The following SLC38A8 variants were observed in gnomAD, a reference collection of about 807,000 sequenced individuals.
The protein encoded by SLC38A8 is amino acid transporter SLC38A8.
SLC38A8 carries 65 observed loss-of-function variants against 46.0 expected under a neutral mutation model. That is an observed-to-expected ratio of 1.41 (90% CI 1.16 to 1.74). The LOEUF (loss-of-function observed/expected upper bound fraction) is 1.74. Among genes scored for constraint, SLC38A8 ranks in the 40% most tolerant of loss-of-function variants. SLC38A8 has a pLI of 0.00. For missense variants in SLC38A8, 998 were observed against 567.9 expected (o/e 1.76, Z -7.70); for synonymous variants, 447 against 243.7 (o/e 1.83, Z -7.77).
rs780054215 is a variant in SLC38A8, at chr16:84,029,549, G to C, written c.635C>G (p.Pro212Arg). 2 of 1,614,088 alleles carry C rather than the reference G, an allele frequency of 1.2e-6. No homozygotes were observed. Among genetic ancestry groups the C allele is most frequent in the African/African-American group, 1.3e-5 (1 of 75,064 alleles). Residue 212 changes from proline (P) to arginine (R), a missense_variant and splice_region_variant, in exon 6 of 11, where the codon CCT becomes CGT. Transcript: ENST00000299709. ...LVRESHPSLS[P>R]ASWTSVFSVF... ...ACTGAACACAGAGGTCCAGGAGGCAGGGCTGTAAACAGACAAGAACAGGAG... is the reference window on the plus strand; with the variant it reads ...ACTGAACACAGAGGTCCAGGAGGCACGGCTGTAAACAGACAAGAACAGGAG...
chr16:84,033,970 G>A (rs912488257), intron 3 of SLC38A8, among the ~76,000 whole-genome samples: 2 of 152,242 alleles, frequency 1.3e-5, no homozygotes, highest in African/African-American at 4.8e-5. Context: ...TGGATCGTAG[G>A]TAGAGAGTTA....
At chr16:84,016,792 G>T in intron 8 of SLC38A8, 65 bp from the exon 9 acceptor site, 1 of 1,525,246 alleles carries the variant, frequency 6.6e-7, no homozygotes, top group Non-Finnish European at 8.9e-7. Flanking sequence ...CCCGACAGCT[G>T]CTCCCCAGTC....
intron 4 of SLC38A8, among the ~76,000 whole-genome samples, chr16:84,032,959 TGGGTGTGCATGGGG>T (rs2085261785): frequency 2.9e-5 from 1 of 34,682 alleles, no homozygotes; most frequent in African/African-American, 1.4e-4. Flanking sequence ...TGTGGGTAGG[TGGGTGTGCATGGGG>T]GGGTGTGGGT....
intron 3 of SLC38A8, 71 bp from the exon 4 acceptor site, chr16:84,033,540 T>G (rs1227106040): frequency 1.3e-6 from 2 of 1,491,214 alleles, no homozygotes; most frequent in African/African-American, 2.8e-5. Context: ...CACCTGGCCC[T>G]TCAACCCTGG....
intron 2 of SLC38A8, chr16:84,041,333 GT>G (rs1266023657): frequency 6.6e-6 from 1 of 152,446 alleles, no homozygotes; most frequent in Non-Finnish European, 1.5e-5. Flanking sequence ...GTTTTTGTGT[GT>G]TTAAGACAGA....
chr16:84,020,589 C>A (rs1351022050), intron 7 of SLC38A8, among the ~76,000 whole-genome samples: 1 of 152,204 alleles, frequency 6.6e-6, no homozygotes, highest in East Asian at 1.9e-4. Context: ...CGAGCCAGAT[C>A]AGGGGCCACC....
At chr16:84,013,746 T>A (rs769076402) in intron 9 of SLC38A8, among the ~76,000 whole-genome samples, 6,992 of 142,776 alleles carry the variant, frequency 0.049, 204 homozygotes, top group Middle Eastern at 0.095. Flanking sequence ...TTTTTTTTTT[T>A]AAATAGTTCT....
At position 84,042,099 on chromosome 16, in the gene SLC38A8, G is replaced by T. The variant is rs150483726; in HGVS notation, c.59C>A (p.Ala20Asp). ...GLPEKPHPAT[A>D]AATLSSMGAV... ...GCCCATCGAGGACAGAGTGGCAGCA[G>T]CCGTGGCAGGGTGAGGCTTTTCTGG... The change falls in exon 2 of 11, where the codon GCT becomes GAT. Residue 20 changes from alanine (A) to aspartate (D), a missense_variant. Coordinates refer to ENST00000299709, the MANE Select transcript of SLC38A8 (RefSeq NM_001080442.3). 145 of 1,614,042 alleles carry T rather than the reference G, an allele frequency of 9.0e-5. No individual in the cohort carries two copies. The African/African-American group carries it at 1.8e-3, about 20-fold the overall frequency.
Position 84,017,244 on chromosome 16 carries a change from G to T in SLC38A8, c.849C>A (p.Asp283Glu). The T allele has an allele frequency of 1.2e-6, 2 of 1,614,048 alleles. No individual in the cohort carries two copies. The highest frequency in any genetic ancestry group is 1.1e-5 in the South Asian group (1 of 91,074). The change falls in exon 8 of 11, where the codon GAC becomes GAA. Residue 283 changes from aspartate to glutamate, a missense_variant. Transcript: ENST00000299709. ...FLTFGTEVSADVLMSYPGNDM... is the reference protein window; with the variant it reads ...FLTFGTEVSAEVLMSYPGNDM... The stretch of plus-strand genomic sequence containing the variant: ...CATTGCCTGGGTAGGACATCAAGAC[G>T]TCAGCAGAAACTTCTGTCCCAAAAG...
chr16:84,026,266 A>G (rs73247349), intron 6 of SLC38A8, among the ~76,000 whole-genome samples: 19,670 of 152,126 alleles, frequency 0.13, 3,465 homozygotes, highest in African/African-American at 0.4. Flanking sequence ...GTCTCGCTCC[A>G]TCGCCCAGGC....
In SLC38A8 at chr16:84,042,718, G is replaced by A. The variant is rs1403130933; in HGVS notation, c.-170C>T. 1 of 153,340 alleles carries A rather than the reference G, an allele frequency of 6.5e-6. No individual in the cohort carries two copies. Among genetic ancestry groups the A allele is most frequent in the African/African-American group, 2.4e-5 (1 of 41,574 alleles). 9.5% of individuals were successfully genotyped at this position (153,340 alleles called of 1,614,324 possible). A position where few individuals can be genotyped will look rare whatever the true frequency, so the allele number is the denominator to read the frequency against. ...TCATTAACTAAAGGAGCCCTAGCGA[G>A]TATGTGTCAGGGTCAGGCCCCTCCA... On this transcript the variant is annotated 5_prime_UTR_variant, in exon 1 of 11. Transcript: ENST00000299709.
chr16:84,022,886 G>C lies in SLC38A8; in HGVS notation c.694C>G (p.His232Asp). ...CAGTAGATGGAGACGGCAGCTTCGT[G>C]ACACTGTAAGACAGAGGGCGGCTCA... is the stretch of plus-strand genomic sequence containing the variant. ...FPTICFGFQC[H>D]EAAVSIYCSM... The change falls in exon 7 of 11, where the codon CAC becomes GAC. Residue 232 changes from histidine to aspartate, a missense_variant. By Grantham distance (81) the His-to-Asp change is moderately conservative. Transcript: ENST00000299709. The C allele has an allele frequency of 2.5e-6, 4 of 1,589,738 alleles. No individual in the cohort carries two copies. Among genetic ancestry groups the C allele is most frequent in the Non-Finnish European group, 3.4e-6 (4 of 1,169,952 alleles).
rs766862812 is a variant in SLC38A8 at position 84,016,575 on chromosome 16, C to G, written c.1106G>C (p.Ser369Thr). The change falls in exon 9 of 11, where the codon AGC becomes ACC. Residue 369 changes from serine to threonine, a missense_variant. Transcript: ENST00000299709. Reference sequence around the variant, plus strand: ...GCCTCCGATGATGCTGACGATCTCGCTGAGGTCAGGCATAAACAGCGCCAT... The same window carrying G: ...GCCTCCGATGATGCTGACGATCTCGGTGAGGTCAGGCATAAACAGCGCCAT... ...LAMALFMPDLSEIVSIIGGIS... is the reference protein window; with the variant it reads ...LAMALFMPDLTEIVSIIGGIS... 1 of 1,614,090 alleles carries G rather than the reference C, an allele frequency of 6.2e-7. No homozygotes were observed. The highest frequency in any genetic ancestry group is 8.5e-7 in the Non-Finnish European group (1 of 1,180,030).
In SLC38A8 at chr16:84,032,168, AGTTTTGTTGTTGTT is replaced by A. The variant is rs200849845; in HGVS notation, c.531-214_531-201del. On this transcript the variant is annotated intron_variant, in intron 4 of 10. Transcript: ENST00000299709. ...TTTGGGGTCAAGGGGTCAGATGTAG[AGTTTTGTTGTTGTT>A]GTTTTGTTGTTGTTGTTGTTTTTTG... Among the ~76,000 whole-genome samples the A allele has an allele frequency of 3.1e-4, 22 of 71,642 alleles. No homozygotes were observed. The East Asian group carries it at 0.012, about 38-fold the overall frequency. 47.0% of individuals were successfully genotyped at this position (71,642 alleles called of 152,430 possible). A position where few individuals can be genotyped will look rare whatever the true frequency, so the allele number is the denominator to read the frequency against.
Position 84,017,296 on chromosome 16 carries a change from G to T in SLC38A8, c.806-9C>A. ...CAGGAAGCCATAAACCCCTGAAGGT[G>T]GGAAAGGATGGAAGCCACAGAGTGG... is the stretch of plus-strand genomic sequence containing the variant. On this transcript the variant is annotated splice_polypyrimidine_tract_variant and intron_variant, in intron 7 of 10. Coordinates refer to ENST00000299709, the MANE Select transcript of SLC38A8 (RefSeq NM_001080442.3). The T allele has an allele frequency of 6.2e-7, 1 of 1,613,826 alleles. No individual in the cohort carries two copies. The highest frequency in any genetic ancestry group is 8.5e-7 in the Non-Finnish European group (1 of 1,179,960).
intron 9 of SLC38A8, 94 bp from the exon 10 acceptor site, chr16:84,013,146 A>T: frequency 1.2e-5 from 17 of 1,448,248 alleles, no homozygotes; most frequent in Non-Finnish European, 1.4e-5. Context: ...CCAGGAGGCC[A>T]GCAAGGCCTC....
At chr16:84,011,384 C>A (rs1289543759) in intron 10 of SLC38A8, among the ~76,000 whole-genome samples, 1 of 152,154 alleles carries the variant, frequency 6.6e-6, no homozygotes, top group African/African-American at 2.4e-5. Flanking sequence ...GGTTCAATAC[C>A]CAAGGCAGGT....
chr16:84,031,992 G>A (rs368397940), intron 4 of SLC38A8, 24 bp from the exon 5 acceptor site: 33 of 1,597,384 alleles, frequency 2.1e-5, no homozygotes, highest in Admixed American at 3.3e-5. Flanking sequence ...CGTGTGAGGG[G>A]CTGCGCAGTG....
chr16:84,039,038 G>C (rs890669129), intron 2 of SLC38A8, among the ~76,000 whole-genome samples: 1 of 152,136 alleles, frequency 6.6e-6, no homozygotes, highest in African/African-American at 2.4e-5. Flanking sequence ...TTGAGGTGAG[G>C]TCATCTTGGA....
Sources: gnomAD v4.1 joint callset for allele counts (sites outside exome capture counted in the v4.1 genomes callset) on GRCh38, gnomAD v4.1.1 for gene constraint, MANE v1.5 for transcripts, NCBI Gene and HGNC (gene_info 2026-07-23, HGNC 2026-07-21) for gene names.